Variants in BCKDHB observed in about 807,000 individuals in gnomAD.
The protein encoded by BCKDHB is 2-oxoisovalerate dehydrogenase subunit beta, mitochondrial.
BCKDHB carries 41 observed loss-of-function variants against 48.5 expected under a neutral mutation model. The ratio of observed to expected loss-of-function variants is 0.85; its 90% CI spans 0.66 to 1.10. BCKDHB has a LOEUF of 1.10. Among genes scored for constraint, BCKDHB ranks in the 50% least tolerant of loss-of-function variants. BCKDHB has a pLI of 0.00. For synonymous variants in BCKDHB, 201 were observed against 174.8 expected (o/e 1.15, Z -1.18); for missense variants, 496 against 494.2 (o/e 1.00, Z -0.03).
At chr6:80,378,520 A>G in the BCKDHB span, among the ~76,000 whole-genome samples, 5 of 152,130 alleles carry the variant, frequency 3.3e-5, no homozygotes, top group Middle Eastern at 3.4e-3. Flanking sequence ...AGAAAATGTG[A>G]TAAGTGTCCA....
chr6:80,344,067 C>A lies in BCKDHB; in HGVS notation c.*263C>A, dbSNP rs533006469. The A allele has an allele frequency of 4.1e-4, 187 of 456,518 alleles. 2 individuals carry two copies. Among genetic ancestry groups the A allele is most frequent in the South Asian group, 3.8e-3 (180 of 47,886 alleles). 28.3% of individuals were successfully genotyped at this position (456,518 alleles called of 1,614,324 possible). A position where few individuals can be genotyped will look rare whatever the true frequency, so the allele number is the denominator to read the frequency against. ...CCAGGCTAGACTGCAGTGGTGCAAT[C>A]TCAGCTCACTGCAACCTCCCCCCTA... On this transcript the variant is annotated 3_prime_UTR_variant, in exon 10 of 10. Transcript: ENST00000320393.
chr6:80,195,406 G>C (rs541342934), intron 6 of BCKDHB, among the ~76,000 whole-genome samples: 1 of 152,120 alleles, frequency 6.6e-6, no homozygotes, highest in South Asian at 2.1e-4. Flanking sequence ...GTAACAGTTG[G>C]TATAGAAGTG....
At chr6:80,161,067 C>T (rs1245929395) in intron 3 of BCKDHB, among the ~76,000 whole-genome samples, 2 of 152,124 alleles carry the variant, frequency 1.3e-5, no homozygotes, top group East Asian at 1.9e-4. Context: ...TTTTCCTTCA[C>T]ATGAGGTCAA....
chr6:80,249,048 G>C (rs1776733132), intron 8 of BCKDHB, among the ~76,000 whole-genome samples: 1 of 151,722 alleles, frequency 6.6e-6, no homozygotes, highest in African/African-American at 2.4e-5. Flanking sequence ...ACAACCATAG[G>C]CTGGAACTTC....
chr6:80,274,236 TAAATGTTTTAAAAACTAGATCA>T (rs1030389402), intron 9 of BCKDHB, among the ~76,000 whole-genome samples: 11 of 152,026 alleles, frequency 7.2e-5, no homozygotes, highest in African/African-American at 2.7e-4. Context: ...AATTTAAACA[TAAATGTTTTAAAAACTAGATCA>T]AAGTAATCCA....
At chr6:80,193,752 A>G (rs1774012249) in intron 6 of BCKDHB, among the ~76,000 whole-genome samples, 1 of 151,704 alleles carries the variant, frequency 6.6e-6, no homozygotes, top group Non-Finnish European at 1.5e-5. Flanking sequence ...TCCTGGTTAC[A>G]TGAAAGATAT....
the BCKDHB span, among the ~76,000 whole-genome samples, chr6:80,444,133 A>T: frequency 6.6e-6 from 1 of 152,050 alleles, no homozygotes; most frequent in Non-Finnish European, 1.5e-5. Flanking sequence ...TTGTGGGGAG[A>T]GGAGTTGAAA....
At chr6:80,360,614 C>G in the BCKDHB span, among the ~76,000 whole-genome samples, 1 of 152,088 alleles carries the variant, frequency 6.6e-6, no homozygotes, top group Non-Finnish European at 1.5e-5. Flanking sequence ...TCGACTGGTA[C>G]ATGTATATTT....
At position 80,332,058 on chromosome 6, in the gene BCKDHB, C is replaced by A. The variant is rs1159504; in HGVS notation, c.1039-11606C>A. On this transcript the variant is annotated intron_variant, in intron 9 of 9. Coordinates refer to ENST00000320393, the MANE Select transcript of BCKDHB (RefSeq NM_183050.4). Reference sequence around the variant, plus strand: ...TGAAGAGTTTTTAAAAGCTGTGCTTCGCAGGGATGACTGAAATGCTTGTCT... The same window carrying A: ...TGAAGAGTTTTTAAAAGCTGTGCTTAGCAGGGATGACTGAAATGCTTGTCT... Among the ~76,000 whole-genome samples the A allele has an allele frequency of 4.2e-3, 641 of 151,798 alleles. 3 individuals carry two copies. The highest frequency in any genetic ancestry group is 7.1e-3 in the Non-Finnish European group (479 of 67,904).
chr6:80,341,311 A>T (rs1276776033), intron 9 of BCKDHB, among the ~76,000 whole-genome samples: 1 of 152,204 alleles, frequency 6.6e-6, no homozygotes, highest in East Asian at 1.9e-4. Context: ...GAAAATCATT[A>T]TTCACTTTAC....
intron 6 of BCKDHB, among the ~76,000 whole-genome samples, chr6:80,176,822 CT>C (rs1470202884): frequency 2.6e-5 from 4 of 152,160 alleles, no homozygotes; most frequent in Non-Finnish European, 1.5e-5. Flanking sequence ...AACCCAGATA[CT>C]CCCACAGATA....
chr6:80,109,196 T>C (rs1417539677), intron 1 of BCKDHB, among the ~76,000 whole-genome samples: 1 of 152,190 alleles, frequency 6.6e-6, no homozygotes, highest in Non-Finnish European at 1.5e-5. Flanking sequence ...TCTGTAAGCC[T>C]CAGTTTCTTT....
rs147227292 is a variant in BCKDHB at position 80,323,824 on chromosome 6, G to A, written c.1039-19840G>A. On this transcript the variant is annotated intron_variant, in intron 9 of 9. Coordinates refer to ENST00000320393, the MANE Select transcript of BCKDHB (RefSeq NM_183050.4). ...ATCTCGCTCTGTTGCCCAGGCTGGC[G>A]TGCAGTGGCGCCATCTTGGCTCACT... is the stretch of plus-strand genomic sequence containing the variant. Among the ~76,000 whole-genome samples the A allele has an allele frequency of 6.8e-4, 103 of 152,258 alleles. No homozygotes were observed. In the East Asian group the frequency reaches 0.018, roughly 26 times the overall value.
chr6:80,258,903 T>C lies in BCKDHB; in HGVS notation c.952-14232T>C, dbSNP rs113219818. Among the ~76,000 whole-genome samples, 130 of 152,320 alleles carry C rather than the reference T, an allele frequency of 8.5e-4. 1 individual carries two copies. Among genetic ancestry groups the C allele is most frequent in the African/African-American group, 3.1e-3 (128 of 41,572 alleles). ...CCAGACTCCCCCCCAGTTCTTTCTTTCAAGCTGTAGTTAGAATGTAGGTCT... is the reference window on the plus strand; with the variant it reads ...CCAGACTCCCCCCCAGTTCTTTCTTCCAAGCTGTAGTTAGAATGTAGGTCT... On this transcript the variant is annotated intron_variant, in intron 8 of 9. Coordinates refer to ENST00000320393, the MANE Select transcript of BCKDHB (RefSeq NM_183050.4).
intron 8 of BCKDHB, among the ~76,000 whole-genome samples, chr6:80,231,949 G>A (rs116901459): frequency 6.6e-6 from 1 of 152,144 alleles, no homozygotes; most frequent in Admixed American, 6.5e-5. Context: ...AGGGTCACAG[G>A]GCGAGAGTCT....
In BCKDHB at chr6:80,160,046, T is replaced by C. The variant is rs149813514; in HGVS notation, c.344-7632T>C. Among the ~76,000 whole-genome samples the C allele has an allele frequency of 1.7e-3, 264 of 152,370 alleles. 1 individual carries two copies. The highest frequency in any genetic ancestry group is 6.0e-3 in the African/African-American group (250 of 41,596). On this transcript the variant is annotated intron_variant, in intron 3 of 9. Coordinates refer to ENST00000320393, the MANE Select transcript of BCKDHB (RefSeq NM_183050.4). ...ATAACTTGCAGATCTACTTTGTTCA[T>C]AGATAAACTCTAAAACTAATTAAAG...
Position 80,344,286 on chromosome 6 carries a change from T to G in BCKDHB, c.*482T>G, listed in dbSNP as rs1770077914. ...TCCCAAAGTGCTGGGATTACAGGCA[T>G]GAGCCACTGCACCTGGCTATATTTA... On this transcript the variant is annotated 3_prime_UTR_variant, in exon 10 of 10. Coordinates refer to ENST00000320393, the MANE Select transcript of BCKDHB (RefSeq NM_183050.4). 4.9e-6 allele frequency: 1 copy of G among 205,390 alleles called. No individual in the cohort carries two copies. Among genetic ancestry groups the G allele is most frequent in the African/African-American group, 2.4e-5 (1 of 42,296 alleles). 12.7% of individuals were successfully genotyped at this position (205,390 alleles called of 1,614,324 possible).
chr6:80,234,704 A>AG (rs1239587241), intron 8 of BCKDHB, among the ~76,000 whole-genome samples: 1 of 152,178 alleles, frequency 6.6e-6, no homozygotes, highest in Non-Finnish European at 1.5e-5. Context: ...ACTAAAAAAA[A>AG]GAAATCAACT....
chr6:80,136,509 G>A (rs1770892918), intron 3 of BCKDHB, among the ~76,000 whole-genome samples: 1 of 152,026 alleles, frequency 6.6e-6, no homozygotes, highest in African/African-American at 2.4e-5. Flanking sequence ...ACTCTTAGAA[G>A]AAAATGTAGG....
Sources: allele counts gnomAD v4.1 joint callset (sites outside exome capture counted in the v4.1 genomes callset), GRCh38; gene constraint gnomAD v4.1.1; transcripts MANE v1.5; gene names NCBI Gene and HGNC (gene_info 2026-07-23, HGNC 2026-07-21).